Variants in CTNND2 observed in about 807,000 individuals in gnomAD.
CTNND2 encodes the protein catenin delta 2.
CTNND2 carries 22 observed loss-of-function variants against 144.4 expected under a neutral mutation model. The observed-to-expected ratio is 0.15, with a 90% CI of 0.11 to 0.22. CTNND2 has a LOEUF of 0.22. Among genes scored for constraint, CTNND2 ranks in the 10% least tolerant of loss-of-function variants. The probability of loss-of-function intolerance (pLI) is 1.00; values close to 1 mark genes in which losing one functional copy is unlikely to be tolerated. For synonymous variants in CTNND2, 751 were observed against 695.6 expected (o/e 1.08, Z -1.25); for missense variants, 1,353 against 1,618.8 (o/e 0.84, Z 2.82).
intron 10 of CTNND2, among the ~76,000 whole-genome samples, chr5:11,229,697 CACATATATAT>C (rs1267206223): frequency 3.3e-5 from 5 of 150,218 alleles, no homozygotes; most frequent in African/African-American, 4.9e-5. Context: ...TGTATATATA[CACATATATAT>C]ACATATATAT....
chr5:11,581,605 T>A (rs560296379), intron 2 of CTNND2, among the ~76,000 whole-genome samples: 2 of 152,232 alleles, frequency 1.3e-5, no homozygotes, highest in African/African-American at 2.4e-5. Flanking sequence ...ATTGGCTCCC[T>A]ATCTGCAGAA....
intron 16 of CTNND2, among the ~76,000 whole-genome samples, chr5:11,063,988 C>T (rs569122853): frequency 3.9e-5 from 6 of 152,254 alleles, no homozygotes; most frequent in African/African-American, 1.4e-4. Flanking sequence ...CACAGAGATC[C>T]TCCGAAAGAA....
chr5:11,674,299 T>C (rs1023230631), intron 2 of CTNND2, among the ~76,000 whole-genome samples: 2 of 152,216 alleles, frequency 1.3e-5, no homozygotes, highest in African/African-American at 2.4e-5. Flanking sequence ...ATTATGGACT[T>C]TCTAAGCTAT....
intron 16 of CTNND2, among the ~76,000 whole-genome samples, chr5:11,070,100 T>C (rs1561255143): frequency 1.3e-5 from 2 of 152,124 alleles, no homozygotes; most frequent in African/African-American, 4.8e-5. Flanking sequence ...TAAGACAATA[T>C]GACCGAAAAT....
chr5:11,611,207 G>T (rs1013116295), intron 2 of CTNND2, among the ~76,000 whole-genome samples: 1 of 152,258 alleles, frequency 6.6e-6, no homozygotes, highest in African/African-American at 2.4e-5. Context: ...TGATGTGTTT[G>T]CTTCCCCTTC....
At chr5:11,240,339 TACACC>T (rs1742153294) in intron 9 of CTNND2, among the ~76,000 whole-genome samples, 1 of 28,038 alleles carries the variant, frequency 3.6e-5, no homozygotes, top group Admixed American at 4.4e-4. Context: ...CCAACACACA[TACACC>T]CAACACACAC....
At chr5:11,103,458 G>A (rs957905373) in intron 14 of CTNND2, among the ~76,000 whole-genome samples, 2 of 151,816 alleles carry the variant, frequency 1.3e-5, no homozygotes, top group African/African-American at 2.4e-5. Flanking sequence ...ATCGCTTGAG[G>A]TCAGGAGTTT....
chr5:11,369,769 G>A (rs908046151), intron 7 of CTNND2, among the ~76,000 whole-genome samples: 1 of 151,354 alleles, frequency 6.6e-6, no homozygotes, highest in Non-Finnish European at 1.5e-5. Context: ...AGGAGGTTGT[G>A]GTGTTGGGAT....
chr5:11,798,131 A>G (rs1214396396), intron 1 of CTNND2, among the ~76,000 whole-genome samples: 7 of 151,894 alleles, frequency 4.6e-5, no homozygotes, highest in African/African-American at 1.7e-4. Context: ...TCGTGGTGGT[A>G]CATGCCTGTA....
At chr5:11,095,081 A>G (rs1240988361) in intron 15 of CTNND2, among the ~76,000 whole-genome samples, 1 of 152,240 alleles carries the variant, frequency 6.6e-6, no homozygotes, top group African/African-American at 2.4e-5. Context: ...TGTAAAGTAG[A>G]AGAGACTCTT....
Position 11,512,908 on chromosome 5 carries a change from A to C in CTNND2, c.287+52036T>G, listed in dbSNP as rs139298990. On this transcript the variant is annotated intron_variant, in intron 3 of 21. Transcript: ENST00000304623. The stretch of plus-strand genomic sequence containing the variant: ...CCAAACTACACATCCACTCAAGTAT[A>C]CATGTTCAAGTTAGTTTTTCATACA... 1.1e-4 allele frequency among the ~76,000 whole-genome samples: 16 copies of C among 152,308 alleles called. No homozygotes were observed. In the East Asian group the frequency reaches 2.5e-3, roughly 24 times the overall value.
intron 3 of CTNND2, among the ~76,000 whole-genome samples, chr5:11,457,608 AT>A (rs1765847174): frequency 6.6e-6 from 1 of 152,068 alleles, no homozygotes; most frequent in African/African-American, 2.4e-5. Context: ...ATACTCCTTG[AT>A]TCTTCATTGT....
intron 10 of CTNND2, among the ~76,000 whole-genome samples, chr5:11,224,179 C>G (rs1740085977): frequency 6.6e-6 from 1 of 152,170 alleles, no homozygotes; most frequent in Non-Finnish European, 1.5e-5. Context: ...AGCAATATTG[C>G]CTTCTTATTA....
At chr5:11,139,961 G>A (rs764815981) in intron 12 of CTNND2, among the ~76,000 whole-genome samples, 8 of 152,128 alleles carry the variant, frequency 5.3e-5, no homozygotes, top group Non-Finnish European at 1.0e-4. Context: ...TTCTTATGTG[G>A]TATCACTCTG....
intron 10 of CTNND2, among the ~76,000 whole-genome samples, chr5:11,219,253 C>T (rs563790186): frequency 8.9e-4 from 136 of 152,312 alleles, no homozygotes; most frequent in Middle Eastern, 3.4e-3. Flanking sequence ...TATTAATCCT[C>T]CCACCATCAC....
intron 1 of CTNND2, among the ~76,000 whole-genome samples, chr5:11,843,115 C>T (rs1421457463): frequency 6.6e-6 from 1 of 152,124 alleles, no homozygotes; most frequent in Non-Finnish European, 1.5e-5. Context: ...TCTGACAGAT[C>T]CATCATTGAA....
intron 2 of CTNND2, among the ~76,000 whole-genome samples, chr5:11,636,070 C>T (rs1249901346): frequency 4.9e-5 from 6 of 122,570 alleles, no homozygotes; most frequent in Non-Finnish European, 7.9e-5. Context: ...TCTACAGTAA[C>T]TTGAATGGAA....
At chr5:11,846,515 G>T (rs975638086) in intron 1 of CTNND2, among the ~76,000 whole-genome samples, 2 of 152,058 alleles carry the variant, frequency 1.3e-5, no homozygotes, top group African/African-American at 4.8e-5. Context: ...GTGGATCAAT[G>T]CTTCATGAAT....
intron 2 of CTNND2, among the ~76,000 whole-genome samples, chr5:11,721,689 GGTGCT>G (rs1348176005): frequency 6.6e-6 from 1 of 152,188 alleles, no homozygotes; most frequent in Non-Finnish European, 1.5e-5. Flanking sequence ...GAGTTCAGAT[GGTGCT>G]GCATGCCTGG....
Sources: gnomAD v4.1 joint callset for allele counts (sites outside exome capture counted in the v4.1 genomes callset) on GRCh38, gnomAD v4.1.1 for gene constraint, MANE v1.5 for transcripts, NCBI Gene and HGNC (gene_info 2026-07-23, HGNC 2026-07-21) for gene names.